PCDHA13: variants seen among roughly 807,000 people sequenced by gnomAD.
The protein encoded by PCDHA13 is protocadherin alpha-13.
A neutral mutation model predicts 64.8 loss-of-function variants in PCDHA13; 54 were observed. The observed-to-expected ratio is 0.83, with a 90% CI of 0.67 to 1.04. The LOEUF (loss-of-function observed/expected upper bound fraction) is 1.04. PCDHA13 is among the 50% of genes least tolerant of loss of function. The pLI is 0.00. For synonymous variants in PCDHA13, 587 were observed against 564.4 expected (o/e 1.04, Z -0.57); for missense variants, 1,248 against 1,254.3 (o/e 0.99, Z 0.08).
At chr5:140,947,655 A>G (rs942849633) in intron 1 of PCDHA13, among the ~76,000 whole-genome samples, 3 of 151,542 alleles carry the variant, frequency 2.0e-5, no homozygotes, top group Non-Finnish European at 4.4e-5. Context: ...ATATACCTCC[A>G]TTTACTTGGG....
rs1322989069 is a variant in PCDHA13 at position 140,882,601 on chromosome 5, C to G, written c.333C>G (p.Asp111Glu). The change falls in exon 1 of 4, where the codon GAC becomes GAG. Residue 111 changes from aspartate (D) to glutamate (E), a missense_variant. Asp to Glu is a conservative substitution (Grantham distance 45). Coordinates refer to ENST00000289272, the MANE Select transcript of PCDHA13 (RefSeq NM_018904.3). ...GCATCCACCTGGAGGTGATCGTGGA[C>G]AGGCCTCTGCAGGTTTTCCATGTGG... Reference protein sequence around the residue: ...ECSIHLEVIVDRPLQVFHVEV... With the variant: ...ECSIHLEVIVERPLQVFHVEV... The G allele has an allele frequency of 6.2e-7, 1 of 1,614,144 alleles. No homozygotes were observed. Among genetic ancestry groups the G allele is most frequent in the Admixed American group, 1.7e-5 (1 of 60,010 alleles).
At chr5:140,908,179 C>T (rs1158845408) in intron 1 of PCDHA13, among the ~76,000 whole-genome samples, 1 of 152,194 alleles carries the variant, frequency 6.6e-6, no homozygotes, top group Non-Finnish European at 1.5e-5. Context: ...CAGCTGTCCA[C>T]TTTCAGGTGG....
intron 1 of PCDHA13, chr5:140,967,218 C>G: frequency 6.2e-7 from 1 of 1,613,744 alleles, no homozygotes; most frequent in Non-Finnish European, 8.5e-7. Flanking sequence ...TTCCCGCGGC[C>G]CAACTACCAG....
chr5:140,948,107 C>T (rs1156492592), intron 1 of PCDHA13, among the ~76,000 whole-genome samples: 3 of 151,432 alleles, frequency 2.0e-5, no homozygotes, highest in Middle Eastern at 3.2e-3. Flanking sequence ...GATTTTTCTT[C>T]GTTTTACTAA....
intron 1 of PCDHA13, among the ~76,000 whole-genome samples, chr5:140,939,255 A>T (rs1032457788): frequency 2.6e-5 from 4 of 152,060 alleles, no homozygotes; most frequent in Non-Finnish European, 4.4e-5. Context: ...GCTCTCTGGA[A>T]CCTCTTTTAT....
At chr5:140,972,990 G>A (rs185555684) in intron 1 of PCDHA13, among the ~76,000 whole-genome samples, 2 of 152,188 alleles carry the variant, frequency 1.3e-5, no homozygotes, top group African/African-American at 4.8e-5. Context: ...GGTAGATTCT[G>A]TGCATTTGTG....
chr5:140,886,268 A>C (rs1250080024), intron 1 of PCDHA13, among the ~76,000 whole-genome samples: 2 of 151,920 alleles, frequency 1.3e-5, no homozygotes, highest in Non-Finnish European at 2.9e-5. Flanking sequence ...TTATAGATAA[A>C]ATTTTTTAAA....
rs145919251 is a variant in PCDHA13, at chr5:140,979,502, C to T, written c.2453+495C>T. On this transcript the variant is annotated intron_variant, in intron 2 of 3. Coordinates refer to ENST00000289272, the MANE Select transcript of PCDHA13 (RefSeq NM_018904.3). Reference sequence around the variant, plus strand: ...GTGTTCACACCTATTAGAGCCTCCTCATCTTTCCCATCTGTTGCTATCTTA... The same window carrying T: ...GTGTTCACACCTATTAGAGCCTCCTTATCTTTCCCATCTGTTGCTATCTTA... 1.1e-3 allele frequency among the ~76,000 whole-genome samples: 170 copies of T among 152,258 alleles called. 4 individuals are homozygous for T. In the East Asian group the frequency reaches 0.028, roughly 25 times the overall value.
intron 3 of PCDHA13, among the ~76,000 whole-genome samples, chr5:141,000,412 TATATA>T (rs2097919858): frequency 7.8e-5 from 8 of 102,770 alleles, no homozygotes; most frequent in African/African-American, 2.3e-4. Flanking sequence ...TATATATATA[TATATA>T]TATATTTTTT....
intron 1 of PCDHA13, among the ~76,000 whole-genome samples, chr5:140,946,711 T>C (rs1165441185): frequency 1.3e-5 from 2 of 150,618 alleles, no homozygotes; most frequent in African/African-American, 2.5e-5. Context: ...GAGGTCATTA[T>C]GTTTAGTTAA....
chr5:140,993,033 T>C (rs1315226376), intron 3 of PCDHA13, among the ~76,000 whole-genome samples: 2 of 152,158 alleles, frequency 1.3e-5, no homozygotes, highest in African/African-American at 4.8e-5. Context: ...GTGGGCTCCG[T>C]GTGTCATCAA....
At chr5:140,998,977 ATAG>A (rs2097842205) in intron 3 of PCDHA13, among the ~76,000 whole-genome samples, 1 of 152,242 alleles carries the variant, frequency 6.6e-6, no homozygotes, top group African/African-American at 2.4e-5. Flanking sequence ...ATCCTAGAAA[ATAG>A]TAGAAAGCAG....
rs373471484 is a variant in PCDHA13, at chr5:140,997,017, TA to T, written c.2543-12609del. 5.1e-4 allele frequency among the ~76,000 whole-genome samples: 78 copies of T among 152,304 alleles called. No individual in the cohort carries two copies. The South Asian group carries it at 0.011, about 21-fold the overall frequency. ...TAACAATTTTGTGTGTATCCTCCAA[TA>T]TTTTTTTGAAATTAATGAACTTTAC... On this transcript the variant is annotated intron_variant, in intron 3 of 3. Transcript: ENST00000289272.
In PCDHA13 at chr5:140,944,201, G is replaced by T. The variant is rs1389405246; in HGVS notation, c.2395-34748G>T. Among the ~76,000 whole-genome samples, 5 of 152,034 alleles carry T rather than the reference G, an allele frequency of 3.3e-5. No homozygotes were observed. In the East Asian group the frequency reaches 9.6e-4, roughly 29 times the overall value. On this transcript the variant is annotated intron_variant, in intron 1 of 3. Coordinates refer to ENST00000289272, the MANE Select transcript of PCDHA13 (RefSeq NM_018904.3). ...TTGTTGGTTTGTTTTGTTTTGTTTT[G>T]TTTTTAAAGAGGGTTTTACTCTGTC...
intron 1 of PCDHA13, among the ~76,000 whole-genome samples, chr5:140,918,659 G>A (rs1584109247): frequency 6.6e-6 from 1 of 152,172 alleles, no homozygotes; most frequent in Non-Finnish European, 1.5e-5. Context: ...TTCTCATGTT[G>A]ATGGTATGAA....
In PCDHA13 at chr5:140,968,269, T is replaced by C. The variant is rs558051125; in HGVS notation, c.2395-10680T>C. On this transcript the variant is annotated intron_variant, in intron 1 of 3. Coordinates refer to ENST00000289272, the MANE Select transcript of PCDHA13 (RefSeq NM_018904.3). ...CCACAGACCCAGATGAAAAGGAGAATGCAGAGGTGACCTACTCCCTTCTGG... is the reference window on the plus strand; with the variant it reads ...CCACAGACCCAGATGAAAAGGAGAACGCAGAGGTGACCTACTCCCTTCTGG... 6.9e-5 allele frequency: 112 copies of C among 1,614,074 alleles called. 2 individuals carry two copies. In the South Asian group the frequency reaches 1.1e-3, roughly 16 times the overall value.
intron 3 of PCDHA13, among the ~76,000 whole-genome samples, chr5:140,983,533 G>A (rs1195364351): frequency 6.6e-6 from 1 of 152,208 alleles, no homozygotes; most frequent in Non-Finnish European, 1.5e-5. Flanking sequence ...TACATTGTAT[G>A]TGTGGTCTCA....
intron 3 of PCDHA13, among the ~76,000 whole-genome samples, chr5:140,985,542 C>T (rs2097157092): frequency 6.6e-6 from 1 of 152,106 alleles, no homozygotes; most frequent in African/African-American, 2.4e-5. Context: ...GGTGAAGATG[C>T]AGTTGCTTCC....
In PCDHA13 at chr5:140,882,301, G is replaced by A. The variant is rs145574763; in HGVS notation, c.33G>A (p.Pro11=). 188 of 1,613,800 alleles carry A rather than the reference G, an allele frequency of 1.2e-4. No homozygotes were observed. In the African/African-American group the frequency reaches 2.1e-3, roughly 18 times the overall value. Reference sequence around the variant, plus strand: ...CTTCCTGGCAAGGAGGCCCAAGACCGCGGCAACTACTGCTCTGGCTTCTGA... The same window carrying A: ...CTTCCTGGCAAGGAGGCCCAAGACCACGGCAACTACTGCTCTGGCTTCTGA... MLSSWQGGPR[P]RQLLLWLLIL... is the part of the protein sequence containing the mutation. The change falls in exon 1 of 4, where the codon CCG becomes CCA. Residue 11 remains proline, a synonymous_variant. Coordinates refer to ENST00000289272, the MANE Select transcript of PCDHA13 (RefSeq NM_018904.3).
Sources: allele counts gnomAD v4.1 joint callset (sites outside exome capture counted in the v4.1 genomes callset), GRCh38; gene constraint gnomAD v4.1.1; transcripts MANE v1.5; gene names NCBI Gene and HGNC (gene_info 2026-07-23, HGNC 2026-07-21).